HTR7: variants seen among roughly 807,000 people sequenced by gnomAD.
The protein encoded by HTR7 is 5-hydroxytryptamine receptor 7, also known as 5-HT-7.
Under a neutral mutation model 34.0 loss-of-function variants are expected in HTR7, and 16 were observed. That is an observed-to-expected ratio of 0.47 (90% CI 0.32 to 0.71). The LOEUF (loss-of-function observed/expected upper bound fraction) is 0.71. Among genes scored for constraint, HTR7 ranks in the 30% least tolerant of loss-of-function variants. The pLI is 0.04. For synonymous variants in HTR7, 265 were observed against 260.2 expected (o/e 1.02, Z -0.18); for missense variants, 504 against 625.5 (o/e 0.81, Z 2.07).
intron 1 of HTR7, among the ~76,000 whole-genome samples, chr10:90,779,437 T>C (rs1158173453): frequency 2.0e-5 from 3 of 152,206 alleles, no homozygotes; most frequent in Non-Finnish European, 4.4e-5. Flanking sequence ...CCAGCCTCAT[T>C]GCTGACTCCC....
intron 1 of HTR7, among the ~76,000 whole-genome samples, chr10:90,846,737 A>C (rs1846418138): frequency 1.3e-5 from 2 of 152,238 alleles, no homozygotes; most frequent in South Asian, 4.1e-4. Flanking sequence ...CAAATTTAGT[A>C]ACATGGCCAC....
intron 1 of HTR7, among the ~76,000 whole-genome samples, chr10:90,811,366 C>T (rs1401757148): frequency 6.6e-6 from 1 of 150,592 alleles, no homozygotes; most frequent in African/African-American, 2.4e-5. Flanking sequence ...CTATTTTCTT[C>T]CTCACACCTG....
intron 1 of HTR7, among the ~76,000 whole-genome samples, chr10:90,809,378 C>T (rs534213288): frequency 6.6e-6 from 1 of 152,162 alleles, no homozygotes; most frequent in Non-Finnish European, 1.5e-5. Context: ...GTTCATGACT[C>T]GTTTGGCAGC....
chr10:90,772,055 T>TTTTC (rs1178198661), intron 1 of HTR7, among the ~76,000 whole-genome samples: 1 of 152,184 alleles, frequency 6.6e-6, no homozygotes, highest in Non-Finnish European at 1.5e-5. Context: ...ATTTAGGAAG[T>TTTTC]TAGTTGAAGT....
chr10:90,815,101 G>GT (rs35889431), intron 1 of HTR7, among the ~76,000 whole-genome samples: 13 of 142,036 alleles, frequency 9.2e-5, no homozygotes, highest in Non-Finnish European at 1.4e-4. Flanking sequence ...TTTTTGTTTT[G>GT]TTTTTTTTGA....
At chr10:90,840,592 A>T (rs1375756195) in intron 1 of HTR7, among the ~76,000 whole-genome samples, 1 of 152,182 alleles carries the variant, frequency 6.6e-6, no homozygotes, top group Non-Finnish European at 1.5e-5. Context: ...AACTTTTAAG[A>T]ACTGTTCAAA....
intron 2 of HTR7, among the ~76,000 whole-genome samples, chr10:90,746,649 A>G (rs1564667274): frequency 6.6e-6 from 1 of 152,206 alleles, no homozygotes; most frequent in Non-Finnish European, 1.5e-5. Flanking sequence ...AGAAGACTAT[A>G]TGCCAACAAA....
intron 1 of HTR7, among the ~76,000 whole-genome samples, chr10:90,812,723 T>A (rs1394941363): frequency 6.6e-6 from 1 of 152,050 alleles, no homozygotes; most frequent in African/African-American, 2.4e-5. Flanking sequence ...ATTCTCTCTC[T>A]CCATACCACC....
chr10:90,824,091 C>G (rs1846030637), intron 1 of HTR7, among the ~76,000 whole-genome samples: 1 of 152,244 alleles, frequency 6.6e-6, no homozygotes, highest in Non-Finnish European at 1.5e-5. Context: ...CCAGGCAGTG[C>G]AGCTTGCAGC....
intron 1 of HTR7, among the ~76,000 whole-genome samples, chr10:90,843,113 T>C (rs1427449253): frequency 2.0e-5 from 3 of 152,114 alleles, no homozygotes; most frequent in African/African-American, 7.2e-5. Context: ...TTCTTCCCTT[T>C]CTTCCCTCCT....
intron 1 of HTR7, among the ~76,000 whole-genome samples, chr10:90,758,851 C>T (rs1167102868): frequency 6.6e-6 from 1 of 151,970 alleles, no homozygotes; most frequent in Non-Finnish European, 1.5e-5. Flanking sequence ...GAATTCCATG[C>T]CAAAATATAA....
intron 1 of HTR7, among the ~76,000 whole-genome samples, chr10:90,796,605 G>A (rs1403048421): frequency 6.6e-6 from 1 of 152,132 alleles, no homozygotes; most frequent in East Asian, 1.9e-4. Context: ...CCAGCTACTA[G>A]GGAGGCTAAT....
chr10:90,807,973 T>C (rs1845730066), intron 1 of HTR7, among the ~76,000 whole-genome samples: 3 of 152,208 alleles, frequency 2.0e-5, no homozygotes, highest in South Asian at 4.1e-4. Context: ...CTCTCCCTTC[T>C]TTCAATTTCA....
chr10:90,814,716 A>G (rs940768254), intron 1 of HTR7, among the ~76,000 whole-genome samples: 1 of 152,190 alleles, frequency 6.6e-6, no homozygotes, highest in Admixed American at 6.5e-5. Context: ...AATAAAATAG[A>G]AACTGATGGG....
chr10:90,763,498 T>G (rs555508359), intron 1 of HTR7, among the ~76,000 whole-genome samples: 16 of 152,210 alleles, frequency 1.1e-4, no homozygotes, highest in Non-Finnish European at 1.9e-4. Context: ...GTGCAGAACA[T>G]GAAGGTTTGT....
chr10:90,776,776 A>T (rs113016447), intron 1 of HTR7, among the ~76,000 whole-genome samples: 4,168 of 152,282 alleles, frequency 0.027, 161 homozygotes, highest in African/African-American at 0.084. Flanking sequence ...TTAGGTAGAT[A>T]TCCACTTAGA....
chr10:90,827,993 A>T (rs1846106552), intron 1 of HTR7, among the ~76,000 whole-genome samples: 1 of 152,252 alleles, frequency 6.6e-6, no homozygotes, highest in African/African-American at 2.4e-5. Context: ...CACATTCAAA[A>T]AAACTGAAAG....
chr10:90,767,074 C>A (rs1273400211), intron 1 of HTR7, among the ~76,000 whole-genome samples: 1 of 152,074 alleles, frequency 6.6e-6, no homozygotes, highest in Non-Finnish European at 1.5e-5. Context: ...ACAAGCTGTG[C>A]TCAGCAATTG....
rs3981197 is a variant in HTR7 at position 90,761,633 on chromosome 10, CGTGTGT to C, written c.540-12045_540-12040del. On this transcript the variant is annotated intron_variant, in intron 1 of 3. Transcript: ENST00000336152. Reference sequence around the variant, plus strand: ...ACATAGTTACCATTTTGTGTGTATGCGTGTGTGTGTGTGTGTGTGTGTGTGTGTGTG... The same window carrying C: ...ACATAGTTACCATTTTGTGTGTATGCGTGTGTGTGTGTGTGTGTGTGTGTG... 3.7e-3 allele frequency among the ~76,000 whole-genome samples: 541 copies of C among 147,460 alleles called. 1 individual carries two copies. The highest frequency in any genetic ancestry group is 5.7e-3 in the Non-Finnish European group (377 of 66,396).
Sources: gnomAD v4.1 joint callset for allele counts (sites outside exome capture counted in the v4.1 genomes callset) on GRCh38, gnomAD v4.1.1 for gene constraint, MANE v1.5 for transcripts, NCBI Gene and HGNC (gene_info 2026-07-23, HGNC 2026-07-21) for gene names.